Variants in PHF3 observed in about 807,000 individuals in gnomAD.
PHF3 encodes the protein PHD finger protein 3.
Under a neutral mutation model 178.4 loss-of-function variants are expected in PHF3, and 41 were observed. The ratio of observed to expected loss-of-function variants is 0.23; its 90% CI spans 0.18 to 0.30. The LOEUF is 0.30. Ranked by LOEUF, PHF3 falls within the 10% of genes least tolerant of loss-of-function variation. The pLI is 1.00. For missense variants in PHF3, 2,346 were observed against 2,398.1 expected (o/e 0.98, Z 0.45); for synonymous variants, 842 against 800.5 (o/e 1.05, Z -0.88).
chr6:63,692,055 A>G lies in PHF3; in HGVS notation c.2496+12A>G, dbSNP rs369534244. 2 of 1,572,408 alleles carry G rather than the reference A, an allele frequency of 1.3e-6. No individual in the cohort carries two copies. The highest frequency in any genetic ancestry group is 1.7e-6 in the Non-Finnish European group (2 of 1,156,948). ...AAATTTTAAAACGGGTGAGCTCTTC[A>G]TTAATGCATTATTTTGTTTATTTAA... On this transcript the variant is annotated intron_variant, in intron 5 of 15. Transcript: ENST00000262043.
intron 13 of PHF3, among the ~76,000 whole-genome samples, chr6:63,708,320 C>A (rs1311512113): frequency 6.6e-6 from 1 of 151,968 alleles, no homozygotes; most frequent in African/African-American, 2.4e-5. Context: ...TTTGGTCAGT[C>A]CATGGTGAAG....
rs74812942 is a variant in PHF3 at position 63,639,688 on chromosome 6, G to C, written c.-26+3538G>C. Among the ~76,000 whole-genome samples, 594 of 152,234 alleles carry C rather than the reference G, an allele frequency of 3.9e-3. 4 individuals are homozygous for C. The highest frequency in any genetic ancestry group is 4.2e-3 in the Non-Finnish European group (283 of 67,992). On this transcript the variant is annotated intron_variant, in intron 1 of 15. Transcript: ENST00000262043. ...TATGTAATTATCTAGGTCTCAGTTT[G>C]CTCTAAAGAGAAAGGACTAATAATT...
Position 63,695,260 on chromosome 6 carries a change from G to A in PHF3, c.2680+496G>A, listed in dbSNP as rs141305963. 7.0e-3 allele frequency among the ~76,000 whole-genome samples: 1,062 copies of A among 152,270 alleles called. 7 individuals carry two copies. Among genetic ancestry groups the A allele is most frequent in the Non-Finnish European group, 1.0e-2 (680 of 68,012 alleles). On this transcript the variant is annotated intron_variant, in intron 6 of 15. Coordinates refer to ENST00000262043, the MANE Select transcript of PHF3 (RefSeq NM_001370348.2). ...AAGAAGTGTGGCATTTGAGGAGCAAGAAAGCCACTGTAGAGTGATTAGAAG... is the reference window on the plus strand; with the variant it reads ...AAGAAGTGTGGCATTTGAGGAGCAAAAAAGCCACTGTAGAGTGATTAGAAG...
intron 11 of PHF3, among the ~76,000 whole-genome samples, chr6:63,705,460 CAT>C (rs1767649833): frequency 6.6e-6 from 1 of 152,214 alleles, no homozygotes; most frequent in Non-Finnish European, 1.5e-5. Context: ...GTTAGGTTCT[CAT>C]AGGGGTGCAA....
intron 1 of PHF3, 63 bp from the exon 2 acceptor site, chr6:63,646,464 G>C: frequency 9.0e-7 from 1 of 1,109,380 alleles, no homozygotes; most frequent in Non-Finnish European, 1.3e-6. Context: ...AAAATAATTT[G>C]GTATTAGGTG....
rs1363286924 is a variant in PHF3 at position 63,715,205 on chromosome 6, A to G, written c.*1497A>G. ...AACCAAACATTCTATTTAATTTGCA[A>G]TGACTTGCAGTACTTTTTTCCCTAT... On this transcript the variant is annotated 3_prime_UTR_variant, in exon 16 of 16. Coordinates refer to ENST00000262043, the MANE Select transcript of PHF3 (RefSeq NM_001370348.2). The G allele has an allele frequency of 6.6e-6, 1 of 152,138 alleles. No homozygotes were observed. The highest frequency in any genetic ancestry group is 1.9e-4 in the East Asian group (1 of 5,200). 9.4% of individuals were successfully genotyped at this position (152,138 alleles called of 1,614,324 possible).
Position 63,684,787 on chromosome 6 carries a change from G to C in PHF3, c.1065G>C (p.Lys355Asn). ...ATGCTGCTTGTACAAATCCAAATAAGACAGAAAACAGCCTTGTAGGTTTGC... is the reference window on the plus strand; with the variant it reads ...ATGCTGCTTGTACAAATCCAAATAACACAGAAAACAGCCTTGTAGGTTTGC... ...SSDAACTNPN[K>N]TENSLVGLPS... The change falls in exon 4 of 16, where the codon AAG becomes AAC. Residue 355 changes from lysine to asparagine, a missense_variant. This residue lies in a region of PHF3 where 843 missense variants were observed against 795.2 expected (regional missense o/e 1.06). Coordinates refer to ENST00000262043, the MANE Select transcript of PHF3 (RefSeq NM_001370348.2). 1 of 1,613,984 alleles carries C rather than the reference G, an allele frequency of 6.2e-7. No homozygotes were observed. Among genetic ancestry groups the C allele is most frequent in the Non-Finnish European group, 8.5e-7 (1 of 1,179,926 alleles).
intron 2 of PHF3, among the ~76,000 whole-genome samples, chr6:63,663,425 G>A (rs906226385): frequency 3.9e-5 from 6 of 152,186 alleles, no homozygotes; most frequent in Non-Finnish European, 7.4e-5. Context: ...TTTTTTTAGA[G>A]AAGTAGGAAA....
At chr6:63,638,246 T>TA (rs937443812) in intron 1 of PHF3, among the ~76,000 whole-genome samples, 2 of 152,154 alleles carry the variant, frequency 1.3e-5, no homozygotes, top group South Asian at 4.1e-4. Context: ...ATGTATTACT[T>TA]ATAAAAGTTG....
rs930300758 is a variant in PHF3 at position 63,719,437 on chromosome 6, TGTTA to T, written c.*5733_*5736del. ...TTTTCTCCAGATGACCTATTCTACC[TGTTA>T]GTTCACCAAGTCAGTCATATGTTGC... On this transcript the variant is annotated 3_prime_UTR_variant, in exon 16 of 16. Transcript: ENST00000262043. Among the ~76,000 whole-genome samples, 37 of 152,168 alleles carry T rather than the reference TGTTA, an allele frequency of 2.4e-4. No individual in the cohort carries two copies. Among genetic ancestry groups the T allele is most frequent in the African/African-American group, 8.4e-4 (35 of 41,556 alleles).
chr6:63,649,162 C>T (rs1037233356), intron 2 of PHF3, among the ~76,000 whole-genome samples: 17 of 151,704 alleles, frequency 1.1e-4, no homozygotes, highest in Admixed American at 2.6e-4. Flanking sequence ...AGGCTGGTCT[C>T]TTAACTCCTG....
In PHF3 at chr6:63,717,306, T is replaced by C. The variant is rs1350532290; in HGVS notation, c.*3598T>C. The stretch of plus-strand genomic sequence containing the variant: ...TATGAGAGCTTGATAATGAACCAGA[T>C]CTTAGTAAAACAGTATTTTAACATT... On this transcript the variant is annotated 3_prime_UTR_variant, in exon 16 of 16. Transcript: ENST00000262043. Among the ~76,000 whole-genome samples, 1 of 152,042 alleles carries C rather than the reference T, an allele frequency of 6.6e-6. No homozygotes were observed. The highest frequency in any genetic ancestry group is 2.1e-4 in the South Asian group (1 of 4,832).
rs1366002509 is a variant in PHF3, at chr6:63,721,128, A to G, written c.*7420A>G. On this transcript the variant is annotated 3_prime_UTR_variant, in exon 16 of 16. Coordinates refer to ENST00000262043, the MANE Select transcript of PHF3 (RefSeq NM_001370348.2). The stretch of plus-strand genomic sequence containing the variant: ...GTTTCTCATTCTATAATTTGGATCA[A>G]TGTATTTAATGTAAGAATTACCCAT... 3 of 1,551,434 alleles carry G rather than the reference A, an allele frequency of 1.9e-6. No individual in the cohort carries two copies. Among genetic ancestry groups the G allele is most frequent in the East Asian group, 2.4e-5 (1 of 40,920 alleles).
chr6:63,703,312 T>G (rs945519476), intron 10 of PHF3, among the ~76,000 whole-genome samples: 2 of 152,192 alleles, frequency 1.3e-5, no homozygotes, highest in Non-Finnish European at 2.9e-5. Flanking sequence ...CTAGAAGGCT[T>G]GAAGAATGGG....
chr6:63,685,238 C>G lies in PHF3; in HGVS notation c.1516C>G (p.Pro506Ala). Residue 506 changes from proline to alanine, a missense_variant, in exon 4 of 16, where the codon CCG (proline) becomes GCG (alanine). By Grantham distance (27) the Pro-to-Ala change is conservative (BLOSUM62 -1). This residue lies in a region of PHF3 where 843 missense variants were observed against 795.2 expected (regional missense o/e 1.06). Coordinates refer to ENST00000262043, the MANE Select transcript of PHF3 (RefSeq NM_001370348.2). ...HSKQNMTTDA[P>A]KKIVAAKYEV... ...TAAGCAAAACATGACCACAGATGCT[C>G]CGAAGAAAATTGTTGCAGCAAAGTA... 6.2e-7 allele frequency: 1 copy of G among 1,613,846 alleles called. No homozygotes were observed. The highest frequency in any genetic ancestry group is 8.5e-7 in the Non-Finnish European group (1 of 1,179,952).
rs1768093379 is a variant in PHF3, at chr6:63,713,956, C to T, written c.*248C>T. The T allele has an allele frequency of 2.9e-6, 1 of 339,480 alleles. No homozygotes were observed. Among genetic ancestry groups the T allele is most frequent in the Non-Finnish European group, 5.3e-6 (1 of 189,916 alleles). The allele number at this position is 339,480 out of a possible 1,614,324, so 21.0% of individuals were successfully genotyped here. On this transcript the variant is annotated 3_prime_UTR_variant, in exon 16 of 16. Transcript: ENST00000262043. Reference sequence around the variant, plus strand: ...TAAAAGTTTTACATTGCTGTATATTCAAAGATTTGTTTTATTAATATGCAA... The same window carrying T: ...TAAAAGTTTTACATTGCTGTATATTTAAAGATTTGTTTTATTAATATGCAA...
At chr6:63,679,963 A>T in intron 2 of PHF3, 37 bp from the exon 3 acceptor site, 29 of 1,565,458 alleles carry the variant, frequency 1.9e-5, no homozygotes, top group Non-Finnish European at 2.5e-5. Context: ...CATTCCCAAT[A>T]TTTTTAAAAG....
rs3734881 is a variant in PHF3, at chr6:63,713,088, C to T, written c.5500C>T (p.His1834Tyr). The T allele has an allele frequency of 2.9e-4, 469 of 1,614,058 alleles. 3 individuals carry two copies. In the East Asian group the frequency reaches 8.2e-3, roughly 28 times the overall value. ...ACAAAGCATGTTTGGATTTCCACCACATTTGCCACCTCCATTACTTCCCCC... is the reference window on the plus strand; with the variant it reads ...ACAAAGCATGTTTGGATTTCCACCATATTTGCCACCTCCATTACTTCCCCC... ...PPQSMFGFPP[H>Y]LPPPLLPPPG... The change falls in exon 16 of 16, where the codon CAT becomes TAT. Residue 1834 changes from histidine to tyrosine, a missense_variant. Physicochemically the swap from His to Tyr is moderately conservative, Grantham distance 83. Around this residue, in one of 8 missense-constraint regions of PHF3, gnomAD observed 839 missense variants for 806.9 expected, o/e 1.04. Transcript: ENST00000262043.
At chr6:63,697,005 A>G (rs891384458) in intron 6 of PHF3, among the ~76,000 whole-genome samples, 3 of 152,042 alleles carry the variant, frequency 2.0e-5, no homozygotes, top group African/African-American at 7.2e-5. Flanking sequence ...TTTTTTTTTT[A>G]AAGAAGATAT....
Sources: gnomAD v4.1 joint callset for allele counts (sites outside exome capture counted in the v4.1 genomes callset) on GRCh38, gnomAD v4.1.1 for gene constraint, gnomAD v4.1.1 regional missense constraint, MANE v1.5 for transcripts, NCBI Gene and HGNC (gene_info 2026-07-23, HGNC 2026-07-21) for gene names.